Variants in PCYT1A observed in about 807,000 individuals in gnomAD.
PCYT1A encodes the protein phosphate cytidylyltransferase 1A, choline, also known as choline-phosphate cytidylyltransferase A.
Under a neutral mutation model 43.7 loss-of-function variants are expected in PCYT1A, and 25 were observed. The ratio of observed to expected loss-of-function variants is 0.57; its 90% confidence interval spans 0.42 to 0.80. The LOEUF (loss-of-function observed/expected upper bound fraction) is 0.80. Ranked by LOEUF, PCYT1A falls within the 30% of genes least tolerant of loss-of-function variation. The pLI, the probability that PCYT1A is intolerant of heterozygous loss-of-function variation, is 0.00. For synonymous variants in PCYT1A, 172 were observed against 170.7 expected (o/e 1.01, Z -0.06); for missense variants, 421 against 474.2 (o/e 0.89, Z 1.04).
Position 196,247,273 on chromosome 3 carries a change from A to T in PCYT1A, c.486+94T>A. 1.5e-6 allele frequency: 2 copies of T among 1,301,314 alleles called. No homozygotes were observed. The highest frequency in any genetic ancestry group is 4.6e-5 in the East Asian group (2 of 43,360). The allele number at this position is 1,301,314 out of a possible 1,614,324, so 80.6% of individuals were successfully genotyped here. On this transcript the variant is annotated intron_variant, in intron 5 of 8. Transcript: ENST00000431016. The surrounding 1 kb of genome is among the most constrained non-coding windows in gnomAD (Gnocchi z 4.8). Reference sequence around the variant, plus strand: ...AACTTACATAAGAGGTAGAAGTAAAACACGGCTAGTGGAAAACCAGCCTAC... The same window carrying T: ...AACTTACATAAGAGGTAGAAGTAAATCACGGCTAGTGGAAAACCAGCCTAC...
chr3:196,248,460 C>G, intron 3 of PCYT1A, 137 bp from the exon 4 acceptor site: 1 of 506,140 alleles, frequency 2.0e-6, no homozygotes, highest in Non-Finnish European at 3.6e-6. Context: ...CAACTTCCGC[C>G]TCCTGGGTTC....
chr3:196,276,800 G>A (rs566954350), intron 1 of PCYT1A, among the ~76,000 whole-genome samples: 61 of 151,986 alleles, frequency 4.0e-4, no homozygotes, highest in Admixed American at 5.9e-4. Context: ...ACCAGGTGTA[G>A]TGGCACATGC....
At chr3:196,272,843 G>A (rs999967454) in intron 1 of PCYT1A, among the ~76,000 whole-genome samples, 1 of 152,210 alleles carries the variant, frequency 6.6e-6, no homozygotes, top group Non-Finnish European at 1.5e-5. Context: ...AATACTTGGG[G>A]TGTCACTTCG....
intron 2 of PCYT1A, among the ~76,000 whole-genome samples, chr3:196,269,012 T>A (rs1377575180): frequency 6.6e-6 from 1 of 152,142 alleles, no homozygotes; most frequent in Non-Finnish European, 1.5e-5. Flanking sequence ...TGCCAAGCAC[T>A]AAGCAATGTG....
chr3:196,279,599 C>T (rs961006377), intron 1 of PCYT1A, among the ~76,000 whole-genome samples: 1 of 152,140 alleles, frequency 6.6e-6, no homozygotes, highest in East Asian at 1.9e-4. Flanking sequence ...TGTTCCTCCA[C>T]GTTCCAACAC....
At chr3:196,270,830 A>G (rs1725408953) in intron 1 of PCYT1A, among the ~76,000 whole-genome samples, 1 of 152,182 alleles carries the variant, frequency 6.6e-6, no homozygotes, top group Non-Finnish European at 1.5e-5. Context: ...TGCTCATTTT[A>G]AATCCTGATT....
intron 1 of PCYT1A, among the ~76,000 whole-genome samples, chr3:196,285,809 C>T (rs1388219986): frequency 1.3e-5 from 2 of 152,136 alleles, no homozygotes; most frequent in Non-Finnish European, 2.9e-5. Flanking sequence ...AAATCCCATT[C>T]TCAATGTCTT....
rs1267311126 is a variant in PCYT1A at position 196,238,465 on chromosome 3, A to G, written c.*223T>C. 2.7e-6 allele frequency: 1 copy of G among 373,454 alleles called. No homozygotes were observed. The highest frequency in any genetic ancestry group is 4.8e-6 in the Non-Finnish European group (1 of 208,210). 23.1% of individuals were successfully genotyped at this position (373,454 alleles called of 1,614,324 possible). A position where few individuals can be genotyped will look rare whatever the true frequency, so the allele number is the denominator to read the frequency against. The stretch of plus-strand genomic sequence containing the variant: ...CCCTTGGGGGGGGGTAAATGGATGC[A>G]GAGCAGGCTTCTAAGGTGCAGTCCC... On this transcript the variant is annotated 3_prime_UTR_variant, in exon 9 of 9. Coordinates refer to ENST00000431016, the MANE Select transcript of PCYT1A (RefSeq NM_001312673.2).
intron 1 of PCYT1A, among the ~76,000 whole-genome samples, chr3:196,286,369 T>G (rs1016780440): frequency 2.0e-5 from 3 of 152,252 alleles, no homozygotes; most frequent in Admixed American, 6.5e-5. Context: ...ATTGCATCTT[T>G]GTACTTCCAA....
chr3:196,264,414 A>G (rs1397718464), intron 2 of PCYT1A, among the ~76,000 whole-genome samples: 1 of 152,130 alleles, frequency 6.6e-6, no homozygotes, highest in Non-Finnish European at 1.5e-5. Flanking sequence ...GAAATGTGCA[A>G]AGTTTATCTC....
intron 1 of PCYT1A, among the ~76,000 whole-genome samples, chr3:196,281,233 G>A (rs1725763079): frequency 1.3e-5 from 2 of 152,152 alleles, no homozygotes; most frequent in Non-Finnish European, 2.9e-5. Context: ...GAAACTCAAG[G>A]GTTAAAGTGC....
intron 3 of PCYT1A, 31 bp downstream of exon 3, chr3:196,257,757 C>CA: frequency 7.6e-7 from 1 of 1,319,900 alleles, no homozygotes; most frequent in Admixed American, 1.7e-5. Flanking sequence ...AAACAATAGT[C>CA]AAACAACAAA....
chr3:196,239,597 G>A lies in PCYT1A; in HGVS notation c.847C>T (p.Arg283Ter), dbSNP rs587777192. The change falls in exon 8 of 9, where the codon CGA becomes TGA. Residue 283 changes from arginine to a stop codon, truncating the protein, a stop_gained. Coordinates refer to ENST00000431016, the MANE Select transcript of PCYT1A (RefSeq NM_001312673.2). LOFTEE classifies it high-confidence loss of function. ...DLIQKWEEKS[R>*]EFIGSFLEMF... ...TCCAGAAAACTTCCAATGAATTCTC[G>A]GGACTTCTCCTCCCACTTCTGAATG... is the stretch of plus-strand genomic sequence containing the variant. The A allele has an allele frequency of 9.9e-6, 16 of 1,612,996 alleles. No homozygotes were observed. The highest frequency in any genetic ancestry group is 1.6e-4 in the Middle Eastern group (1 of 6,084).
intron 3 of PCYT1A, among the ~76,000 whole-genome samples, chr3:196,251,112 T>TCAGATACACCATGCTGAGGCTGAGGAC (rs1724760931): frequency 8.5e-5 from 11 of 129,666 alleles, no homozygotes; most frequent in South Asian, 2.5e-4. Flanking sequence ...AGGCTGAGGA[T>TCAGATACACCATGCTGAGGCTGAGGAC]CAGATACACC....
chr3:196,266,572 G>A (rs1489962248), intron 2 of PCYT1A, among the ~76,000 whole-genome samples: 1 of 151,806 alleles, frequency 6.6e-6, no homozygotes, highest in Non-Finnish European at 1.5e-5. Flanking sequence ...ATATATGATG[G>A]AATGTTATTT....
rs528493961 is a variant in PCYT1A at position 196,244,910 on chromosome 3, A to G, written c.487-2270T>C. ...GAAGGCAGCATGCTCGTTAAGAGTCATCACCACTCCCTAATCTCAAGTACC... is the reference window on the plus strand; with the variant it reads ...GAAGGCAGCATGCTCGTTAAGAGTCGTCACCACTCCCTAATCTCAAGTACC... On this transcript the variant is annotated intron_variant, in intron 5 of 8. Transcript: ENST00000431016. Among the ~76,000 whole-genome samples, 13 of 152,230 alleles carry G rather than the reference A, an allele frequency of 8.5e-5. 1 individual carries two copies. The South Asian group carries it at 2.5e-3, about 29-fold the overall frequency.
At chr3:196,264,887 A>G (rs1323435082) in intron 2 of PCYT1A, among the ~76,000 whole-genome samples, 2 of 152,074 alleles carry the variant, frequency 1.3e-5, no homozygotes, top group African/African-American at 4.8e-5. Flanking sequence ...TCTCCAATGC[A>G]ACTGGCAAGT....
intron 2 of PCYT1A, among the ~76,000 whole-genome samples, chr3:196,263,294 T>C (rs1725170422): frequency 6.6e-6 from 1 of 152,166 alleles, no homozygotes; most frequent in Non-Finnish European, 1.5e-5. Flanking sequence ...TACCTCACTA[T>C]AACCTTGACT....
chr3:196,276,947 A>C (rs80017967), intron 1 of PCYT1A, among the ~76,000 whole-genome samples: 1 of 151,874 alleles, frequency 6.6e-6, no homozygotes, highest in Non-Finnish European at 1.5e-5. Context: ...AAAAAAAAAA[A>C]GGCCACATGC....
Sources: gnomAD v4.1 joint callset for allele counts (sites outside exome capture counted in the v4.1 genomes callset) on GRCh38, gnomAD v4.1.1 for gene constraint, Gnocchi (gnomAD v3.1) non-coding constraint, MANE v1.5 for transcripts, NCBI Gene and HGNC (gene_info 2026-07-23, HGNC 2026-07-21) for gene names.